The following MAML3 variants were observed in gnomAD, a reference collection of about 807,000 sequenced individuals.
The protein encoded by MAML3 is mastermind like transcriptional coactivator 3.
In MAML3, 27 loss-of-function variants were observed where a neutral mutation model predicts 101.9. The observed-to-expected ratio is 0.27, with a 90% CI of 0.20 to 0.37. The LOEUF (loss-of-function observed/expected upper bound fraction) is 0.37. Ranked by LOEUF, MAML3 falls within the 10% of genes least tolerant of loss-of-function variation. The pLI, the probability that MAML3 is intolerant of heterozygous loss-of-function variation, is 1.00. For missense variants in MAML3, 1,316 were observed against 1,444.9 expected (o/e 0.91, Z 1.45); for synonymous variants, 501 against 555.9 (o/e 0.90, Z 1.39).
At chr4:140,011,462 A>G (rs1406282716) in intron 1 of MAML3, among the ~76,000 whole-genome samples, 2 of 144,702 alleles carry the variant, frequency 1.4e-5, no homozygotes, top group African/African-American at 5.0e-5. Context: ...CTCCTGCCTC[A>G]GCCTCCCGAG....
At chr4:140,104,586 G>A (rs921216187) in intron 1 of MAML3, among the ~76,000 whole-genome samples, 5 of 145,434 alleles carry the variant, frequency 3.4e-5, no homozygotes, top group Non-Finnish European at 7.5e-5. Flanking sequence ...TCCACTTCCT[G>A]GGCTCAAGTG....
rs1260059220 is a variant in MAML3 at position 140,083,963 on chromosome 4, CACACAGAGAGAGAGAGAGAGAG to C, written c.468+68875_468+68896del. 2.2e-4 allele frequency among the ~76,000 whole-genome samples: 15 copies of C among 67,402 alleles called. No homozygotes were observed. In the South Asian group the frequency reaches 2.6e-3, roughly 11 times the overall value. 44.2% of individuals were successfully genotyped at this position (67,402 alleles called of 152,430 possible). On this transcript the variant is annotated intron_variant, in intron 1 of 4. Coordinates refer to ENST00000509479, the MANE Select transcript of MAML3 (RefSeq NM_018717.5). ...ACACACACACACACACACACACACA[CACACAGAGAGAGAGAGAGAGAG>C]AGAGAGAGAGAGAGAGAGAGAATAA...
chr4:139,800,172 G>T (rs1025172525), intron 2 of MAML3, among the ~76,000 whole-genome samples: 5 of 151,852 alleles, frequency 3.3e-5, no homozygotes, highest in Non-Finnish European at 7.4e-5. Flanking sequence ...AAAATGTTAC[G>T]TGCATCAACC....
At chr4:139,921,538 A>G (rs571511909) in intron 1 of MAML3, among the ~76,000 whole-genome samples, 1 of 152,202 alleles carries the variant, frequency 6.6e-6, no homozygotes, top group South Asian at 2.1e-4. Context: ...TGGCACTGCC[A>G]ACGTTAACGC....
chr4:139,936,842 G>A (rs796508001), intron 1 of MAML3, among the ~76,000 whole-genome samples: 1 of 152,244 alleles, frequency 6.6e-6, no homozygotes, highest in African/African-American at 2.4e-5. Flanking sequence ...CTGAAAGAAA[G>A]TCCTATTTAA....
chr4:140,011,127 A>G (rs1480261685), intron 1 of MAML3, among the ~76,000 whole-genome samples: 41 of 88,342 alleles, frequency 4.6e-4, no homozygotes, highest in East Asian at 2.7e-3. Flanking sequence ...GTGTGTATAT[A>G]TATATATATA....
Position 139,719,657 on chromosome 4 carries a change from C to T in MAML3, c.3083G>A (p.Arg1028Gln), listed in dbSNP as rs764526660. The T allele has an allele frequency of 1.2e-5, 19 of 1,612,882 alleles. No individual in the cohort carries two copies. The South Asian group carries it at 1.4e-4, about 12-fold the overall frequency. The change falls in exon 5 of 5, where the codon CGG (arginine) becomes CAG (glutamine). Residue 1028 changes from arginine to glutamine, a missense_variant. Physicochemically the swap from Arg to Gln is conservative, Grantham distance 43. Coordinates refer to ENST00000509479, the MANE Select transcript of MAML3 (RefSeq NM_018717.5). ...CCCCGGGAGCGATGGCATCATCTGCCGACCCATGGCAGCTGGGTTGAGGGT... is the reference window on the plus strand; with the variant it reads ...CCCCGGGAGCGATGGCATCATCTGCTGACCCATGGCAGCTGGGTTGAGGGT... The part of the protein sequence containing the change: ...VRTLNPAAMG[R>Q]QMMPSLPGQQ...
chr4:140,022,396 A>C (rs550091673), intron 1 of MAML3, among the ~76,000 whole-genome samples: 1 of 152,304 alleles, frequency 6.6e-6, no homozygotes, highest in South Asian at 2.1e-4. Flanking sequence ...AAAGTAAGGG[A>C]AATCGGAAAA....
Position 139,824,401 on chromosome 4 carries a change from G to A in MAML3, c.2079+64956C>T, listed in dbSNP as rs867083543. Among the ~76,000 whole-genome samples, 5 of 152,264 alleles carry A rather than the reference G, an allele frequency of 3.3e-5. 1 individual carries two copies. Among genetic ancestry groups the A allele is most frequent in the Middle Eastern group, 3.4e-3 (1 of 294 alleles). ...AAACCCAAGCTGGGCATCTCTCAGC[G>A]TCTCCCAGTTGCTGAGAGGTAATAA... On this transcript the variant is annotated intron_variant, in intron 2 of 4. Coordinates refer to ENST00000509479, the MANE Select transcript of MAML3 (RefSeq NM_018717.5).
Position 139,732,549 on chromosome 4 carries a change from A to G in MAML3, c.2080-1882T>C, listed in dbSNP as rs555019247. Reference sequence around the variant, plus strand: ...AGGTCACACAATCAATGAATGGAAGACACAGAACTAGCAGAACTAGAACGC... The same window carrying G: ...AGGTCACACAATCAATGAATGGAAGGCACAGAACTAGCAGAACTAGAACGC... On this transcript the variant is annotated intron_variant, in intron 2 of 4. Coordinates refer to ENST00000509479, the MANE Select transcript of MAML3 (RefSeq NM_018717.5). 2.6e-5 allele frequency among the ~76,000 whole-genome samples: 4 copies of G among 151,594 alleles called. No individual in the cohort carries two copies. The East Asian group carries it at 7.8e-4, about 29-fold the overall frequency.
At chr4:139,976,964 T>G (rs534258964) in intron 1 of MAML3, among the ~76,000 whole-genome samples, 3 of 150,978 alleles carry the variant, frequency 2.0e-5, no homozygotes, top group African/African-American at 7.4e-5. Flanking sequence ...AAAATTCATA[T>G]GTTAAAACCT....
intron 2 of MAML3, among the ~76,000 whole-genome samples, chr4:139,879,026 G>C (rs1229340440): frequency 6.6e-6 from 1 of 152,182 alleles, no homozygotes; most frequent in Non-Finnish European, 1.5e-5. Flanking sequence ...TGGGACTGGG[G>C]AGAAGGGACC....
intron 1 of MAML3, among the ~76,000 whole-genome samples, chr4:139,907,247 C>T (rs2111219197): frequency 6.6e-6 from 1 of 152,324 alleles, no homozygotes; most frequent in East Asian, 1.9e-4. Context: ...GCAGCAGTTA[C>T]TTAACCTTTC....
rs138859767 is a variant in MAML3 at position 140,106,074 on chromosome 4, C to T, written c.468+46786G>A. On this transcript the variant is annotated intron_variant, in intron 1 of 4. Coordinates refer to ENST00000509479, the MANE Select transcript of MAML3 (RefSeq NM_018717.5). Reference sequence around the variant, plus strand: ...ATCCCAAAACGAAGGAATCACTCGTCGTCTTTACTTCAGGAAATTTCTTGG... The same window carrying T: ...ATCCCAAAACGAAGGAATCACTCGTTGTCTTTACTTCAGGAAATTTCTTGG... Among the ~76,000 whole-genome samples, 37 of 133,148 alleles carry T rather than the reference C, an allele frequency of 2.8e-4. No homozygotes were observed. The East Asian group carries it at 8.5e-3, about 31-fold the overall frequency. The allele number at this position is 133,148 out of a possible 152,430, so 87.4% of individuals were successfully genotyped here. A position where few individuals can be genotyped will look rare whatever the true frequency, so the allele number is the denominator to read the frequency against.
intron 2 of MAML3, among the ~76,000 whole-genome samples, chr4:139,849,382 A>G (rs1731508989): frequency 6.6e-6 from 1 of 152,208 alleles, no homozygotes; most frequent in African/African-American, 2.4e-5. Flanking sequence ...AACTTCCTGT[A>G]GAAAAGGATT....
chr4:139,772,067 C>T (rs1214275690), intron 2 of MAML3, among the ~76,000 whole-genome samples: 38 of 150,946 alleles, frequency 2.5e-4, no homozygotes, highest in South Asian at 2.1e-3. Context: ...GTGAAACCCC[C>T]GTCTCTACTA....
intron 1 of MAML3, among the ~76,000 whole-genome samples, chr4:140,011,232 G>GTATATATATATATATATA (rs1560865855): frequency 7.0e-5 from 2 of 28,506 alleles, no homozygotes; most frequent in Non-Finnish European, 4.5e-4. Flanking sequence ...TATAAAGTGT[G>GTATATATATATATATATA]CATATATATA....
At position 139,730,442 on chromosome 4, in the gene MAML3, GC is replaced by G. The variant is rs1728655488; in HGVS notation, c.2304del (p.Gln768HisfsTer44). The G allele has an allele frequency of 3.9e-6, 6 of 1,550,002 alleles. No individual in the cohort carries two copies. The Middle Eastern group carries it at 8.3e-4, about 215-fold the overall frequency. On this transcript the variant is annotated frameshift_variant, in exon 3 of 5. Transcript: ENST00000509479. LOFTEE classifies it high-confidence loss of function. Reference sequence around the variant, plus strand: ...TGTTCCGCCAAAATCTGCTGCTGCTGCTGCTGCTGCTGCTGCCTTTGCTCCC... The same window carrying G: ...TGTTCCGCCAAAATCTGCTGCTGCTGTGCTGCTGCTGCTGCCTTTGCTCCC... ...FLREQRQQQQ[Q>X]QQQQILAEQQ...
At chr4:139,848,623 T>C (rs940856610) in intron 2 of MAML3, among the ~76,000 whole-genome samples, 1 of 152,192 alleles carries the variant, frequency 6.6e-6, no homozygotes, top group Non-Finnish European at 1.5e-5. Context: ...AATCCCAAGC[T>C]AAGCAAAATA....
Sources: gnomAD v4.1 joint callset for allele counts (sites outside exome capture counted in the v4.1 genomes callset) on GRCh38, gnomAD v4.1.1 for gene constraint, MANE v1.5 for transcripts, NCBI Gene and HGNC (gene_info 2026-07-23, HGNC 2026-07-21) for gene names.